CKAP5: variants seen among roughly 807,000 people sequenced by gnomAD.
CKAP5 encodes cytoskeleton associated protein 5.
A neutral mutation model predicts 232.8 loss-of-function variants in CKAP5; 27 were observed. That is an observed-to-expected ratio of 0.12 (90% CI 0.09 to 0.16). CKAP5 has a LOEUF of 0.16. CKAP5 is among the 10% of genes least tolerant of loss of function. The pLI, the probability that CKAP5 is intolerant of heterozygous loss-of-function variation, is 1.00. For synonymous variants in CKAP5, 785 were observed against 841.1 expected, an observed-to-expected ratio of 0.93 and a Z score of 1.16; for missense variants, 1,838 against 2,424.7, an observed-to-expected ratio of 0.76 and a Z score of 5.08.
At chr11:46,753,999 A>AT (rs2065090854) in intron 36 of CKAP5, among the ~76,000 whole-genome samples, 1 of 151,486 alleles carries the variant, frequency 6.6e-6, no homozygotes, top group South Asian at 2.1e-4. Context: ...TAATTGTGAA[A>AT]TTTTTTGTTT....
intron 42 of CKAP5, among the ~76,000 whole-genome samples, chr11:46,749,604 T>G (rs898856420): frequency 6.6e-6 from 1 of 150,462 alleles, no homozygotes; most frequent in African/African-American, 2.5e-5. Context: ...ATTAAGGAAA[T>G]AAGAGAAAGA....
At chr11:46,824,699 G>A (rs1002973581) in intron 1 of CKAP5, among the ~76,000 whole-genome samples, 1 of 152,158 alleles carries the variant, frequency 6.6e-6, no homozygotes, top group Non-Finnish European at 1.5e-5. Flanking sequence ...TAGCTGCTGT[G>A]TAAAACCATT....
chr11:46,762,245 G>C, intron 31 of CKAP5, 52 bp from the exon 32 acceptor site: 1 of 1,548,074 alleles, frequency 6.5e-7, no homozygotes, highest in East Asian at 2.2e-5. Context: ...TTGGGACAGA[G>C]ACTTATCCTT....
intron 26 of CKAP5, among the ~76,000 whole-genome samples, 196 bp downstream of exon 26, chr11:46,769,767 C>G (rs926041361): frequency 6.6e-6 from 1 of 151,994 alleles, no homozygotes; most frequent in African/African-American, 2.4e-5. Flanking sequence ...CGTTTGTACC[C>G]TTAGTACAGT....
At position 46,816,320 on chromosome 11, in the gene CKAP5, G is replaced by A; in HGVS notation, c.336C>T (p.Ile112=). ...KAKAKELGIE[I]CLMYIEIEKG... ...TCTCAATCTCTATGTACATAAGACA[G>A]ATCTCTATGCCCAGCTCCTTGGCTT... Residue 112 remains isoleucine (I), a synonymous_variant, in exon 4 of 44, where the codon ATC becomes ATT. Coordinates refer to ENST00000529230, the MANE Select transcript of CKAP5 (RefSeq NM_001008938.4). The A allele has an allele frequency of 6.2e-7, 1 of 1,614,042 alleles. No individual in the cohort carries two copies. The highest frequency in any genetic ancestry group is 8.5e-7 in the Non-Finnish European group (1 of 1,179,986).
rs903573085 is a variant in CKAP5, at chr11:46,805,337, A to T, written c.978+2694T>A. The stretch of plus-strand genomic sequence containing the variant: ...GCTAAATCAGGTGACAACTCAAAAC[A>T]GTTTAAAAATAATTTCAGGAATATC... On this transcript the variant is annotated intron_variant, in intron 8 of 43. Transcript: ENST00000529230. 2.6e-5 allele frequency among the ~76,000 whole-genome samples: 4 copies of T among 152,330 alleles called. No homozygotes were observed. The East Asian group carries it at 5.8e-4, about 22-fold the overall frequency.
chr11:46,806,600 G>A (rs1317402463), intron 8 of CKAP5, among the ~76,000 whole-genome samples: 1 of 152,166 alleles, frequency 6.6e-6, no homozygotes, highest in Non-Finnish European at 1.5e-5. Flanking sequence ...CTTCAAGATG[G>A]AAAATTGATG....
chr11:46,809,545 G>T, intron 6 of CKAP5, 45 bp from the exon 7 acceptor site: 2 of 1,483,222 alleles, frequency 1.3e-6, no homozygotes, highest in Non-Finnish European at 1.9e-6. Context: ...GCTTAGAATT[G>T]TTTTACTTAT....
At chr11:46,744,640 G>T in intron 42 of CKAP5, 63 bp from the exon 43 acceptor site, 1 of 1,446,542 alleles carries the variant, frequency 6.9e-7, no homozygotes, top group African/African-American at 1.4e-5. Flanking sequence ...AAAGTGCCTT[G>T]GTTAATCTCC....
intron 8 of CKAP5, among the ~76,000 whole-genome samples, chr11:46,801,633 G>A (rs2134657401): frequency 6.6e-6 from 1 of 151,676 alleles, no homozygotes; most frequent in South Asian, 2.1e-4. Flanking sequence ...TTGCACCATT[G>A]CACTCCAGCC....
rs549019778 is a variant in CKAP5 at position 46,807,218 on chromosome 11, G to A, written c.978+813C>T. 5.3e-5 allele frequency among the ~76,000 whole-genome samples: 8 copies of A among 152,252 alleles called. No individual in the cohort carries two copies. In the South Asian group the frequency reaches 6.2e-4, roughly 12 times the overall value. ...ATTGATGGAAATGTTGTGACCAAAG[G>A]GTTGCAGGATCCTAACCCTGTATTT... On this transcript the variant is annotated intron_variant, in intron 8 of 43. Coordinates refer to ENST00000529230, the MANE Select transcript of CKAP5 (RefSeq NM_001008938.4).
chr11:46,841,359 GA>G (rs955667388), intron 1 of CKAP5, among the ~76,000 whole-genome samples: 1 of 152,122 alleles, frequency 6.6e-6, no homozygotes, highest in African/African-American at 2.4e-5. Flanking sequence ...GGTGTGTGGG[GA>G]AAAAAATCTC....
chr11:46,752,913 A>C (rs2065080842), intron 37 of CKAP5, among the ~76,000 whole-genome samples: 1 of 152,222 alleles, frequency 6.6e-6, no homozygotes, highest in Non-Finnish European at 1.5e-5. Flanking sequence ...GGTAAGTGTA[A>C]GGTTTGTGAC....
chr11:46,761,721 C>G (rs1292774456), intron 32 of CKAP5, among the ~76,000 whole-genome samples: 2 of 152,148 alleles, frequency 1.3e-5, no homozygotes, highest in African/African-American at 4.8e-5. Flanking sequence ...GAATTTAAAC[C>G]CGGGACTAGC....
In CKAP5 at chr11:46,821,155, G is replaced by A. The variant is rs1437947169; in HGVS notation, c.57+20C>T. 2.5e-6 allele frequency: 4 copies of A among 1,594,108 alleles called. No individual in the cohort carries two copies. The highest frequency in any genetic ancestry group is 2.7e-5 in the African/African-American group (2 of 74,406). Reference sequence around the variant, plus strand: ...AAACAAGCCAACGACACTGAAAATCGAATTCCAGAAGAATCTTACCTTGTG... The same window carrying A: ...AAACAAGCCAACGACACTGAAAATCAAATTCCAGAAGAATCTTACCTTGTG... On this transcript the variant is annotated intron_variant, in intron 2 of 43. Transcript: ENST00000529230.
chr11:46,822,159 T>C (rs1939549805), intron 1 of CKAP5, among the ~76,000 whole-genome samples: 2 of 152,042 alleles, frequency 1.3e-5, no homozygotes, highest in Admixed American at 6.6e-5. Context: ...TGTGTGCCTG[T>C]AGTCCCAGCT....
chr11:46,753,640 C>A (rs1254918653), intron 36 of CKAP5, 143 bp from the exon 37 acceptor site: 4 of 583,586 alleles, frequency 6.9e-6, no homozygotes, highest in Non-Finnish European at 1.1e-5. Flanking sequence ...GGCTGGAGTG[C>A]CAGTGGCGTG....
intron 1 of CKAP5, among the ~76,000 whole-genome samples, chr11:46,830,268 C>T (rs555092016): frequency 3.4e-4 from 52 of 151,508 alleles, no homozygotes; most frequent in Non-Finnish European, 6.2e-4. Flanking sequence ...GGTGAAACCC[C>T]GTCTCTACTA....
intron 26 of CKAP5, among the ~76,000 whole-genome samples, chr11:46,768,367 CT>C (rs10711197): frequency 0.079 from 10,767 of 136,328 alleles, 1,131 homozygotes; most frequent in African/African-American, 0.25. Context: ...ATTAAAACAA[CT>C]TTTTTTTTTT....
Sources: allele counts gnomAD v4.1 joint callset (sites outside exome capture counted in the v4.1 genomes callset), GRCh38; gene constraint gnomAD v4.1.1; transcripts MANE v1.5; gene names NCBI Gene and HGNC (gene_info 2026-07-23, HGNC 2026-07-21).